Variants in FBXW4 observed in about 807,000 individuals in gnomAD.
FBXW4 encodes F-box/WD repeat-containing protein 4.
A neutral mutation model predicts 61.8 loss-of-function variants in FBXW4; 40 were observed. That is an observed-to-expected ratio of 0.65 (90% CI 0.50 to 0.84). FBXW4 has a LOEUF of 0.84. Among genes scored for constraint, FBXW4 ranks in the 40% least tolerant of loss-of-function variants. The pLI is 0.00. For missense variants in FBXW4, 672 were observed against 753.8 expected (o/e 0.89, Z 1.27); for synonymous variants, 311 against 313.8 (o/e 0.99, Z 0.10).
chr10:101,677,257 T>C (rs1377881788), intron 1 of FBXW4, among the ~76,000 whole-genome samples: 1 of 152,020 alleles, frequency 6.6e-6, no homozygotes, highest in Non-Finnish European at 1.5e-5. Flanking sequence ...TAGCCAAAAG[T>C]GGTAAACAGC....
chr10:101,643,957 C>T (rs1467791989), intron 5 of FBXW4, among the ~76,000 whole-genome samples: 1 of 152,186 alleles, frequency 6.6e-6, no homozygotes, highest in East Asian at 1.9e-4. Flanking sequence ...TCTCTGCCCT[C>T]CCCGCAAAGC....
chr10:101,668,834 C>G (rs945978485), intron 4 of FBXW4, among the ~76,000 whole-genome samples: 5 of 152,140 alleles, frequency 3.3e-5, no homozygotes, highest in African/African-American at 1.2e-4. Context: ...GACATAAGCC[C>G]CTAACCAAAC....
At position 101,660,264 on chromosome 10, in the gene FBXW4, G is replaced by A. The variant is rs552302711; in HGVS notation, c.1235+7622C>T. 153 of 962,320 alleles carry A rather than the reference G, an allele frequency of 1.6e-4. 1 individual carries two copies. Among genetic ancestry groups the A allele is most frequent in the Middle Eastern group, 5.4e-4 (1 of 1,842 alleles). 59.6% of individuals were successfully genotyped at this position (962,320 alleles called of 1,614,324 possible). A position where few individuals can be genotyped will look rare whatever the true frequency, so the allele number is the denominator to read the frequency against. On this transcript the variant is annotated intron_variant, in intron 5 of 8. Coordinates refer to ENST00000331272, the MANE Select transcript of FBXW4 (RefSeq NM_022039.4). ...CTCCAGGAATTCCCTTTGAACCTCC[G>A]ACTGCAACACAGATTAGGATACAGC...
intron 5 of FBXW4, among the ~76,000 whole-genome samples, chr10:101,638,930 T>C (rs1400714301): frequency 2.6e-5 from 4 of 152,158 alleles, no homozygotes; most frequent in Non-Finnish European, 5.9e-5. Context: ...ATGCTATGCG[T>C]CATGAATTAT....
In FBXW4 at chr10:101,694,342, G is replaced by A; in HGVS notation, c.725+39C>T. 5.2e-6 allele frequency: 7 copies of A among 1,343,360 alleles called. No individual in the cohort carries two copies. The highest frequency in any genetic ancestry group is 3.8e-5 in the South Asian group (2 of 52,546). The allele number at this position is 1,343,360 out of a possible 1,614,324, so 83.2% of individuals were successfully genotyped here. A position where few individuals can be genotyped will look rare whatever the true frequency, so the allele number is the denominator to read the frequency against. Reference sequence around the variant, plus strand: ...CCGCCCTTTCCCGGGACGCGGGGCCGGCTCGGGGCGGGGAGCGGGCGGGCG... The same window carrying A: ...CCGCCCTTTCCCGGGACGCGGGGCCAGCTCGGGGCGGGGAGCGGGCGGGCG... On this transcript the variant is annotated intron_variant, in intron 1 of 8. Coordinates refer to ENST00000331272, the MANE Select transcript of FBXW4 (RefSeq NM_022039.4). The surrounding 1 kb of genome is among the most constrained non-coding windows in gnomAD (Gnocchi z 6.0).
chr10:101,694,027 C>T lies in FBXW4; in HGVS notation c.725+354G>A, dbSNP rs1353229802. Among the ~76,000 whole-genome samples, 8 of 152,168 alleles carry T rather than the reference C, an allele frequency of 5.3e-5. No homozygotes were observed. The highest frequency in any genetic ancestry group is 1.4e-4 in the African/African-American group (6 of 41,438). On this transcript the variant is annotated intron_variant, in intron 1 of 8. Transcript: ENST00000331272. The surrounding 1 kb of genome is among the most constrained non-coding windows in gnomAD (Gnocchi z 6.0). ...GGACTCAAGGAATCGTCCAAAGCACCGTACCAGACTGGCTCCTCTGGGGCG... is the reference window on the plus strand; with the variant it reads ...GGACTCAAGGAATCGTCCAAAGCACTGTACCAGACTGGCTCCTCTGGGGCG...
intron 5 of FBXW4, chr10:101,625,628 T>C (rs1355916937): frequency 6.6e-6 from 1 of 152,258 alleles, no homozygotes; most frequent in African/African-American, 2.4e-5. Flanking sequence ...ATCCACGCAG[T>C]GGGCCAGGCT....
At chr10:101,622,411 T>A (rs1273068099) in intron 6 of FBXW4, among the ~76,000 whole-genome samples, 1 of 152,104 alleles carries the variant, frequency 6.6e-6, no homozygotes, top group Non-Finnish European at 1.5e-5. Flanking sequence ...CATTTGCTCT[T>A]CAAAAGACCC....
Position 101,611,331 on chromosome 10 carries a change from A to G in FBXW4, c.1664T>C (p.Leu555Pro), listed in dbSNP as rs1367194704. 6.2e-7 allele frequency: 1 copy of G among 1,614,110 alleles called. No homozygotes were observed. Among genetic ancestry groups the G allele is most frequent in the South Asian group, 1.1e-5 (1 of 91,074 alleles). ...ATCCAGGACGTGGAGGTTGTAAGAC[A>G]GGGCAGCATAGAGATGCTTGGTGGT... ...RLTTKHLYAA[L>P]SYNLHVLDFQ... Residue 555 changes from leucine (L) to proline (P), a missense_variant, in exon 9 of 9, where the codon CTG becomes CCG. By Grantham distance (98) the Leu-to-Pro change is moderately conservative (BLOSUM62 -3). Coordinates refer to ENST00000331272, the MANE Select transcript of FBXW4 (RefSeq NM_022039.4). This position sits in a 1 kb window ranked among gnomAD's most constrained non-coding sequence, Gnocchi z 4.9.
intron 1 of FBXW4, among the ~76,000 whole-genome samples, chr10:101,693,715 T>G (rs1449208361): frequency 2.0e-5 from 3 of 152,126 alleles, no homozygotes; most frequent in Admixed American, 6.5e-5. Flanking sequence ...TTCAGAAAAG[T>G]TTTTCATTCA....
At chr10:101,676,515 A>C in intron 1 of FBXW4, 79 bp from the exon 2 acceptor site, 1 of 1,063,824 alleles carries the variant, frequency 9.4e-7, no homozygotes, top group Non-Finnish European at 1.4e-6. Flanking sequence ...TTACTGAGTC[A>C]GGATTCAGGA....
At chr10:101,685,232 A>G (rs2064522861) in intron 1 of FBXW4, among the ~76,000 whole-genome samples, 1 of 152,196 alleles carries the variant, frequency 6.6e-6, no homozygotes, top group South Asian at 2.1e-4. Context: ...TGTTAGATGG[A>G]ACCTACCATA....
chr10:101,656,982 T>C (rs1322654446), intron 5 of FBXW4, among the ~76,000 whole-genome samples: 1 of 152,166 alleles, frequency 6.6e-6, no homozygotes, highest in East Asian at 1.9e-4. Context: ...AAAGGAAAGC[T>C]TCTACAGAAA....
At position 101,622,261 on chromosome 10, in the gene FBXW4, G is replaced by A. The variant is rs377655126; in HGVS notation, c.1301+2484C>T. ...GGAAGCAGGTGAGAAGAGCATCTTC[G>A]CCAGTGCTGTCAAATGTGGCATTTA... On this transcript the variant is annotated intron_variant, in intron 6 of 8. Transcript: ENST00000331272. 1.8e-4 allele frequency among the ~76,000 whole-genome samples: 27 copies of A among 152,144 alleles called. No individual in the cohort carries two copies. In the South Asian group the frequency reaches 3.3e-3, roughly 19 times the overall value.
chr10:101,628,489 C>G (rs563748274), intron 5 of FBXW4, among the ~76,000 whole-genome samples: 86 of 152,292 alleles, frequency 5.6e-4, no homozygotes, highest in African/African-American at 2.0e-3. Flanking sequence ...GTGCCTGGCC[C>G]AGAGAAGGCA....
intron 1 of FBXW4, among the ~76,000 whole-genome samples, chr10:101,683,276 A>AAATAAATTAGAGATTTATTTAC (rs2064498151): frequency 2.0e-5 from 3 of 152,232 alleles, no homozygotes; most frequent in Admixed American, 6.5e-5. Context: ...AGTGCCCTGT[A>AAATAAATTAGAGATTTATTTAC]AATAAATCTC....
intron 5 of FBXW4, among the ~76,000 whole-genome samples, chr10:101,643,579 C>T (rs1312341353): frequency 2.0e-5 from 3 of 152,242 alleles, no homozygotes; most frequent in African/African-American, 4.8e-5. Context: ...TGTGGGCACA[C>T]ATGTCCCACA....
At chr10:101,629,562 G>A (rs1308087081) in intron 5 of FBXW4, among the ~76,000 whole-genome samples, 4 of 151,936 alleles carry the variant, frequency 2.6e-5, no homozygotes, top group African/African-American at 7.3e-5. Flanking sequence ...GGGATTAGAC[G>A]CATGAGCCAC....
At chr10:101,689,519 A>G (rs1361568445) in intron 1 of FBXW4, among the ~76,000 whole-genome samples, 1 of 152,258 alleles carries the variant, frequency 6.6e-6, no homozygotes, top group Admixed American at 6.5e-5. Context: ...GACAATAAAT[A>G]CATCCATATT....
Sources: allele counts gnomAD v4.1 joint callset (sites outside exome capture counted in the v4.1 genomes callset), GRCh38; gene constraint gnomAD v4.1.1; non-coding constraint Gnocchi (gnomAD v3.1); transcripts MANE v1.5; gene names NCBI Gene and HGNC (gene_info 2026-07-23, HGNC 2026-07-21).